ADRA1A: variants seen among roughly 807,000 people sequenced by gnomAD.
ADRA1A encodes alpha-1A adrenergic receptor.
ADRA1A carries 31 observed loss-of-function variants against 29.6 expected under a neutral mutation model. The observed-to-expected ratio is 1.05, with a 90% confidence interval of 0.79 to 1.41. The LOEUF is 1.41. Among genes scored for constraint, ADRA1A ranks in the 40% most tolerant of loss-of-function variants. The probability of loss-of-function intolerance (pLI) is 0.00; values close to 1 mark genes in which losing one functional copy is unlikely to be tolerated. For synonymous variants in ADRA1A, 311 were observed against 254.3 expected, an observed-to-expected ratio of 1.22 and a Z score of -2.12; for missense variants, 619 against 601.1, an observed-to-expected ratio of 1.03 and a Z score of -0.31.
chr8:26,822,669 A>G (rs1010695744), intron 2 of ADRA1A, among the ~76,000 whole-genome samples: 1 of 152,256 alleles, frequency 6.6e-6, no homozygotes, highest in Non-Finnish European at 1.5e-5. Context: ...TACAGGCTGT[A>G]TTAGTCTGTT....
intron 2 of ADRA1A, among the ~76,000 whole-genome samples, chr8:26,820,823 AT>A (rs574347241): frequency 3.3e-4 from 50 of 152,350 alleles, no homozygotes; most frequent in Non-Finnish European, 5.7e-4. Context: ...AGATTCATAT[AT>A]GGTTGTAAGA....
Position 26,865,415 on chromosome 8 carries a change from G to T in ADRA1A, c.-446C>A, listed in dbSNP as rs1813834025. ...ACATGATTCGGAATTCAAAACTCCA[G>T]CGCCAGTCTCTCCCTCAAACCAAAA... On this transcript the variant is annotated 5_prime_UTR_variant, in exon 2 of 3. In the 5' UTR this introduces an upstream ATG that the reference lacks. Coordinates refer to ENST00000380573, the MANE Select transcript of ADRA1A (RefSeq NM_000680.4). This position sits in a 1 kb window ranked among gnomAD's most constrained non-coding sequence, Gnocchi z 7.6. The T allele has an allele frequency of 5.0e-6, 5 of 1,004,360 alleles. 1 individual carries two copies. The South Asian group carries it at 1.7e-4, about 34-fold the overall frequency. 62.2% of individuals were successfully genotyped at this position (1,004,360 alleles called of 1,614,324 possible).
At chr8:26,770,800 C>G in intron 2 of ADRA1A, 134 bp from the exon 3 acceptor site, 2 of 1,286,794 alleles carry the variant, frequency 1.6e-6, no homozygotes, top group Non-Finnish European at 2.1e-6. Context: ...GAGTTTCTCA[C>G]ATTTGACTGA....
intron 2 of ADRA1A, among the ~76,000 whole-genome samples, chr8:26,810,908 C>A (rs12679964): frequency 0.11 from 17,407 of 151,398 alleles, 1,346 homozygotes; most frequent in East Asian, 0.38. Flanking sequence ...AATTACCTGA[C>A]AAAAAAAAAT....
intron 2 of ADRA1A, among the ~76,000 whole-genome samples, chr8:26,861,532 T>G (rs1046188283): frequency 2.0e-5 from 3 of 152,128 alleles, no homozygotes; most frequent in African/African-American, 7.2e-5. Context: ...AAGATGTTGA[T>G]ATATCCCAAG....
chr8:26,865,727 G>T lies in ADRA1A; in HGVS notation c.-686-72C>A. 1.0e-6 allele frequency: 1 copy of T among 985,376 alleles called. No individual in the cohort carries two copies. Among genetic ancestry groups the T allele is most frequent in the Non-Finnish European group, 1.2e-6 (1 of 829,952 alleles). 61.0% of individuals were successfully genotyped at this position (985,376 alleles called of 1,614,324 possible). A position where few individuals can be genotyped will look rare whatever the true frequency, so the allele number is the denominator to read the frequency against. On this transcript the variant is annotated intron_variant, in intron 1 of 2. Coordinates refer to ENST00000380573, the MANE Select transcript of ADRA1A (RefSeq NM_000680.4). This position sits in a 1 kb window ranked among gnomAD's most constrained non-coding sequence, Gnocchi z 7.6. Reference sequence around the variant, plus strand: ...GGAAAGAGGCTGTGCTGAGCTTGACGGGTTGGGGGACACCAGTTGGGAGCC... The same window carrying T: ...GGAAAGAGGCTGTGCTGAGCTTGACTGGTTGGGGGACACCAGTTGGGAGCC...
downstream of ADRA1A, among the ~76,000 whole-genome samples, chr8:26,754,169 C>T (rs560964833): frequency 4.9e-4 from 75 of 152,220 alleles, 1 homozygote; most frequent in Middle Eastern, 6.8e-3. Context: ...GATACTGAGT[C>T]CATTTAAGAG....
At chr8:26,817,052 T>A (rs1016160018) in intron 2 of ADRA1A, among the ~76,000 whole-genome samples, 5 of 152,076 alleles carry the variant, frequency 3.3e-5, no homozygotes, top group African/African-American at 1.2e-4. Flanking sequence ...TTCATCAAAA[T>A]GAAAAACTGT....
intron 2 of ADRA1A, among the ~76,000 whole-genome samples, chr8:26,792,559 T>C (rs1300684751): frequency 6.7e-6 from 1 of 149,696 alleles, no homozygotes; most frequent in Non-Finnish European, 1.5e-5. Flanking sequence ...GTAAGTTCCA[T>C]CACAATATTT....
At chr8:26,761,072 G>A (rs1805482435), downstream of ADRA1A, among the ~76,000 whole-genome samples, 1 of 152,174 alleles carries the variant, frequency 6.6e-6, no homozygotes, top group East Asian at 1.9e-4. Flanking sequence ...GACCATTGCT[G>A]CCATCCAGGA....
intron 2 of ADRA1A, among the ~76,000 whole-genome samples, chr8:26,820,711 G>T (rs1441879890): frequency 6.6e-6 from 1 of 152,166 alleles, no homozygotes; most frequent in African/African-American, 2.4e-5. Context: ...GACAGAATCG[G>T]CTTGATGACA....
rs1046040539 is a variant in ADRA1A, at chr8:26,841,042, T to A, written c.883+23045A>T. 7.9e-5 allele frequency among the ~76,000 whole-genome samples: 12 copies of A among 152,222 alleles called. No homozygotes were observed. The highest frequency in any genetic ancestry group is 2.9e-4 in the African/African-American group (12 of 41,450). On this transcript the variant is annotated intron_variant, in intron 2 of 2. Transcript: ENST00000380573. This position sits in a 1 kb window ranked among gnomAD's most constrained non-coding sequence, Gnocchi z 4.4. ...CACCAGAGGGAACAGGTTCAATTTC[T>A]ACTCTGTCACTTACTTGCTGCATGA...
At chr8:26,760,491 G>C (rs1199055639) in intron 2 of ADRA1A, among the ~76,000 whole-genome samples, 1 of 152,178 alleles carries the variant, frequency 6.6e-6, no homozygotes, top group East Asian at 1.9e-4. Context: ...TATGAGAAGA[G>C]TAGAGGAAAA....
chr8:26,816,971 T>G (rs904993092), intron 2 of ADRA1A, among the ~76,000 whole-genome samples: 14 of 152,166 alleles, frequency 9.2e-5, no homozygotes, highest in African/African-American at 3.1e-4. Context: ...TAGTCAAGGA[T>G]TCTGGGGTTA....
chr8:26,756,669 C>G (rs1238749371), exon 3 of ADRA1A: 6 of 1,610,548 alleles, frequency 3.7e-6, no homozygotes, highest in Non-Finnish European at 5.1e-6. Context: ...GGGGTGGATT[C>G]CAAAGACAGT....
chr8:26,785,082 TTGAATGTTGAATGAA>T (rs964492137), intron 2 of ADRA1A, among the ~76,000 whole-genome samples: 3 of 152,176 alleles, frequency 2.0e-5, no homozygotes, highest in Admixed American at 1.3e-4. Flanking sequence ...TGATTGTTTT[TTGAATGTTGAATGAA>T]TGAATGTTGA....
chr8:26,841,022 G>A lies in ADRA1A; in HGVS notation c.883+23065C>T, dbSNP rs1306721707. On this transcript the variant is annotated intron_variant, in intron 2 of 2. Transcript: ENST00000380573. The surrounding 1 kb of genome is among the most constrained non-coding windows in gnomAD (Gnocchi z 4.4). The stretch of plus-strand genomic sequence containing the variant: ...ACTACAGAGGACATTAAGGGCACCA[G>A]AGGGAACAGGTTCAATTTCTACTCT... Among the ~76,000 whole-genome samples the A allele has an allele frequency of 1.3e-5, 2 of 152,198 alleles. No homozygotes were observed. Among genetic ancestry groups the A allele is most frequent in the Non-Finnish European group, 2.9e-5 (2 of 68,032 alleles).
At position 26,787,175 on chromosome 8, in the gene ADRA1A, T is replaced by C. The variant is rs1023867569; in HGVS notation, c.884-16509A>G. Reference sequence around the variant, plus strand: ...CTAGATGATGCTATCTGCGAATCTGTCACTGCTTTGCTGGCTTTATAGTGA... The same window carrying C: ...CTAGATGATGCTATCTGCGAATCTGCCACTGCTTTGCTGGCTTTATAGTGA... On this transcript the variant is annotated intron_variant, in intron 2 of 2. Coordinates refer to ENST00000380573, the MANE Select transcript of ADRA1A (RefSeq NM_000680.4). This position sits in a 1 kb window ranked among gnomAD's most constrained non-coding sequence, Gnocchi z 4.2. Among the ~76,000 whole-genome samples, 2 of 152,202 alleles carry C rather than the reference T, an allele frequency of 1.3e-5. No homozygotes were observed. The highest frequency in any genetic ancestry group is 4.8e-5 in the African/African-American group (2 of 41,444).
intron 2 of ADRA1A, among the ~76,000 whole-genome samples, chr8:26,771,508 G>A (rs889641765): frequency 5.9e-5 from 9 of 151,954 alleles, no homozygotes; most frequent in Non-Finnish European, 8.8e-5. Context: ...TGATGTGCAC[G>A]GCAGGAACCA....
Sources: gnomAD v4.1 joint callset for allele counts (sites outside exome capture counted in the v4.1 genomes callset) on GRCh38, gnomAD v4.1.1 for gene constraint, Gnocchi (gnomAD v3.1) non-coding constraint, MANE v1.5 for transcripts, NCBI Gene and HGNC (gene_info 2026-07-23, HGNC 2026-07-21) for gene names.